RAP1GDS1: variants seen among roughly 807,000 people sequenced by gnomAD.
RAP1GDS1 encodes Rap1 GTPase-GDP dissociation stimulator 1.
In RAP1GDS1, 35 loss-of-function variants were observed where a neutral mutation model predicts 71.1. The observed-to-expected ratio is 0.49, with a 90% confidence interval of 0.38 to 0.65. The LOEUF (loss-of-function observed/expected upper bound fraction) is 0.65. Ranked by LOEUF, RAP1GDS1 falls within the 30% of genes least tolerant of loss-of-function variation. The pLI is 0.00. For missense variants in RAP1GDS1, 663 were observed against 706.1 expected (o/e 0.94, Z 0.69); for synonymous variants, 229 against 243.1 (o/e 0.94, Z 0.54).
At chr4:98,387,882 G>A (rs1560941310) in intron 5 of RAP1GDS1, among the ~76,000 whole-genome samples, 1 of 152,166 alleles carries the variant, frequency 6.6e-6, no homozygotes, top group Non-Finnish European at 1.5e-5. Context: ...TAGTCTTGCA[G>A]TTGCTTCACT....
intron 12 of RAP1GDS1, among the ~76,000 whole-genome samples, chr4:98,431,025 A>AT (rs1380835376): frequency 1.3e-5 from 2 of 152,192 alleles, no homozygotes; most frequent in Non-Finnish European, 2.9e-5. Context: ...GAATCTTCCA[A>AT]TTATAGACAT....
chr4:98,335,560 T>C (rs538040927), intron 2 of RAP1GDS1, among the ~76,000 whole-genome samples: 1 of 151,734 alleles, frequency 6.6e-6, no homozygotes, highest in African/African-American at 2.4e-5. Flanking sequence ...GTTTTTTTTT[T>C]ATTTTACAAG....
At chr4:98,270,972 A>G (rs1723370368) in intron 1 of RAP1GDS1, among the ~76,000 whole-genome samples, 1 of 152,112 alleles carries the variant, frequency 6.6e-6, no homozygotes, top group Non-Finnish European at 1.5e-5. Flanking sequence ...ATGGTATTTG[A>G]TGCATATGGT....
Position 98,297,584 on chromosome 4 carries a change from C to T in RAP1GDS1, c.112+4069C>T, listed in dbSNP as rs371784487. Among the ~76,000 whole-genome samples, 206 of 152,102 alleles carry T rather than the reference C, an allele frequency of 1.4e-3. 3 individuals carry two copies. The highest frequency in any genetic ancestry group is 3.8e-3 in the African/African-American group (159 of 41,484). Reference sequence around the variant, plus strand: ...TACTATTGTGATTGTTTTGGGGTGCCGTGAACCATGCCCATGTATGATGGT... The same window carrying T: ...TACTATTGTGATTGTTTTGGGGTGCTGTGAACCATGCCCATGTATGATGGT... On this transcript the variant is annotated intron_variant, in intron 2 of 14. Transcript: ENST00000408927.
chr4:98,352,151 T>G (rs1387352550), intron 3 of RAP1GDS1, among the ~76,000 whole-genome samples: 2 of 152,004 alleles, frequency 1.3e-5, no homozygotes. Flanking sequence ...ATCACACATA[T>G]TGCTTCCAAA....
intron 12 of RAP1GDS1, among the ~76,000 whole-genome samples, chr4:98,430,639 A>G (rs1195189626): frequency 1.3e-5 from 2 of 152,234 alleles, no homozygotes; most frequent in African/African-American, 2.4e-5. Flanking sequence ...ACTGATTGCC[A>G]AACTGTTTGA....
At chr4:98,295,159 G>A (rs1243037268) in intron 2 of RAP1GDS1, among the ~76,000 whole-genome samples, 3 of 152,066 alleles carry the variant, frequency 2.0e-5, no homozygotes, top group African/African-American at 7.2e-5. Context: ...GAAACACTGA[G>A]AAGTTCATAA....
chr4:98,401,576 T>A (rs1050439798), intron 6 of RAP1GDS1, among the ~76,000 whole-genome samples: 1 of 152,208 alleles, frequency 6.6e-6, no homozygotes, highest in African/African-American at 2.4e-5. Context: ...AACTGGAGTC[T>A]GCTGATAATA....
At chr4:98,316,219 T>G (rs1170941800) in intron 2 of RAP1GDS1, among the ~76,000 whole-genome samples, 2 of 152,016 alleles carry the variant, frequency 1.3e-5, no homozygotes, top group Middle Eastern at 3.2e-3. Flanking sequence ...TCTTCCAGTG[T>G]AGGTAAGCAT....
At chr4:98,391,903 A>ACATGT (rs1465833414) in intron 5 of RAP1GDS1, 49 bp from the exon 6 acceptor site, 3 of 1,500,490 alleles carry the variant, frequency 2.0e-6, no homozygotes, top group Admixed American at 4.4e-5. Flanking sequence ...TGTTCATTTG[A>ACATGT]CATGTCAACA....
intron 2 of RAP1GDS1, among the ~76,000 whole-genome samples, chr4:98,339,672 C>T (rs955640391): frequency 6.6e-6 from 1 of 152,060 alleles, no homozygotes; most frequent in African/African-American, 2.4e-5. Flanking sequence ...TCACAGATAT[C>T]TGAGAACATC....
intron 5 of RAP1GDS1, among the ~76,000 whole-genome samples, chr4:98,381,982 C>T (rs1742092536): frequency 6.6e-6 from 1 of 151,512 alleles, no homozygotes; most frequent in African/African-American, 2.4e-5. Context: ...AAACTCAGAG[C>T]ATATCCACTT....
intron 2 of RAP1GDS1, among the ~76,000 whole-genome samples, chr4:98,301,986 A>G (rs1174449497): frequency 1.3e-5 from 2 of 152,202 alleles, no homozygotes; most frequent in Non-Finnish European, 2.9e-5. Flanking sequence ...CTGGATATTT[A>G]TCCCAAATTG....
At chr4:98,349,641 G>C (rs979881856) in intron 3 of RAP1GDS1, among the ~76,000 whole-genome samples, 7 of 151,986 alleles carry the variant, frequency 4.6e-5, no homozygotes, top group Non-Finnish European at 7.4e-5. Context: ...CTTTTATTTC[G>C]TTGAGCAGTG....
intron 2 of RAP1GDS1, among the ~76,000 whole-genome samples, chr4:98,340,499 C>T (rs961441923): frequency 6.6e-6 from 1 of 152,058 alleles, no homozygotes; most frequent in Non-Finnish European, 1.5e-5. Context: ...CTTGGGGAAG[C>T]ACTTAAGGTA....
At chr4:98,264,204 A>C (rs1722405237) in intron 1 of RAP1GDS1, among the ~76,000 whole-genome samples, 1 of 152,166 alleles carries the variant, frequency 6.6e-6, no homozygotes, top group South Asian at 2.1e-4. Context: ...CAGCCTGACT[A>C]ACATGGTAAA....
intron 1 of RAP1GDS1, among the ~76,000 whole-genome samples, chr4:98,263,661 G>A (rs967872250): frequency 2.0e-5 from 3 of 152,168 alleles, no homozygotes; most frequent in African/African-American, 7.2e-5. Context: ...ATTATTTTTT[G>A]TGTTCCCCAC....
chr4:98,332,029 G>A (rs1458856652), intron 2 of RAP1GDS1, among the ~76,000 whole-genome samples: 1 of 152,122 alleles, frequency 6.6e-6, no homozygotes, highest in East Asian at 1.9e-4. Flanking sequence ...ACCACATGAA[G>A]TTATCTTGAT....
chr4:98,438,291 T>C (rs1578892769), intron 14 of RAP1GDS1, among the ~76,000 whole-genome samples: 1 of 151,780 alleles, frequency 6.6e-6, no homozygotes, highest in African/African-American at 2.4e-5. Context: ...CAAGAAGCCA[T>C]CCTACTTTCT....
Sources: gnomAD v4.1 joint callset for allele counts (sites outside exome capture counted in the v4.1 genomes callset) on GRCh38, gnomAD v4.1.1 for gene constraint, MANE v1.5 for transcripts, NCBI Gene and HGNC (gene_info 2026-07-23, HGNC 2026-07-21) for gene names.